Variants in GDAP1L1 observed in about 807,000 individuals in gnomAD.
The protein encoded by GDAP1L1 is ganglioside-induced differentiation-associated protein 1-like 1.
In GDAP1L1, 21 loss-of-function variants were observed where a neutral mutation model predicts 37.1. That is an observed-to-expected ratio of 0.57 (90% CI 0.40 to 0.81). The LOEUF (loss-of-function observed/expected upper bound fraction) is 0.81. GDAP1L1 is among the 40% of genes least tolerant of loss of function. The pLI is 0.00. For missense variants in GDAP1L1, 362 were observed against 491.6 expected (o/e 0.74, Z 2.49); for synonymous variants, 193 against 209.1 (o/e 0.92, Z 0.67).
At chr20:44,273,200 T>G (rs1373822689) in intron 5 of GDAP1L1, among the ~76,000 whole-genome samples, 1 of 152,212 alleles carries the variant, frequency 6.6e-6, no homozygotes, top group East Asian at 1.9e-4. Flanking sequence ...TGTGCCTCGA[T>G]TGCCTCATCT....
chr20:44,257,083 C>T, intron 1 of GDAP1L1, 70 bp from the exon 2 acceptor site: 1 of 1,463,510 alleles, frequency 6.8e-7, no homozygotes, highest in Non-Finnish European at 9.1e-7. Context: ...CCCCGCACAC[C>T]CCCGCCCCAC....
chr20:44,247,255 G>A, upstream of GDAP1L1: 6 of 1,434,788 alleles, frequency 4.2e-6, no homozygotes, highest in South Asian at 5.9e-5. Context: ...GGGCAGGCTC[G>A]GCGAGGCCAT....
intron 5 of GDAP1L1, among the ~76,000 whole-genome samples, chr20:44,269,488 C>T (rs552982195): frequency 2.0e-5 from 3 of 152,064 alleles, no homozygotes; most frequent in Non-Finnish European, 4.4e-5. Context: ...GAGGGGAGGC[C>T]GGTGCAGCAG....
At chr20:44,273,190 T>TG (rs1414268316) in intron 5 of GDAP1L1, among the ~76,000 whole-genome samples, 1 of 152,248 alleles carries the variant, frequency 6.6e-6, no homozygotes, top group Non-Finnish European at 1.5e-5. Flanking sequence ...TTAACCTCTC[T>TG]GTGCCTCGAT....
intron 5 of GDAP1L1, among the ~76,000 whole-genome samples, chr20:44,276,184 T>G (rs907015227): frequency 7.1e-6 from 1 of 140,264 alleles, no homozygotes; most frequent in Non-Finnish European, 1.6e-5. Context: ...AAAAAAAAAA[T>G]AATAGCCAGG....
chr20:44,265,504 G>T, intron 5 of GDAP1L1: 1 of 983,394 alleles, frequency 1.0e-6, no homozygotes, highest in Non-Finnish European at 1.2e-6. Flanking sequence ...TAGAGCCCAG[G>T]GTCTAAACAG....
rs550095801 is a variant in GDAP1L1 at position 44,280,210 on chromosome 20, G to A, written c.*910G>A. Reference sequence around the variant, plus strand: ...TCCCGGGGCTGTCCCTGTACTACACGGTGCCATGGAGCCGGGGAGAGCGGG... The same window carrying A: ...TCCCGGGGCTGTCCCTGTACTACACAGTGCCATGGAGCCGGGGAGAGCGGG... On this transcript the variant is annotated 3_prime_UTR_variant, in exon 6 of 6. Transcript: ENST00000342560. The A allele has an allele frequency of 2.8e-4, 50 of 177,730 alleles. No homozygotes were observed. The highest frequency in any genetic ancestry group is 4.1e-4 in the Non-Finnish European group (34 of 83,430). The allele number at this position is 177,730 out of a possible 1,614,324, so 11.0% of individuals were successfully genotyped here.
chr20:44,253,249 T>C (rs1039194456), intron 1 of GDAP1L1, among the ~76,000 whole-genome samples: 1 of 152,202 alleles, frequency 6.6e-6, no homozygotes, highest in South Asian at 2.1e-4. Context: ...ATCATTGTTT[T>C]GTTCACTGCT....
chr20:44,254,191 C>T (rs1486897115), intron 1 of GDAP1L1, among the ~76,000 whole-genome samples: 2 of 152,370 alleles, frequency 1.3e-5, no homozygotes, highest in East Asian at 3.9e-4. Flanking sequence ...CATGCACACT[C>T]ACACTGACCG....
intron 1 of GDAP1L1, among the ~76,000 whole-genome samples, chr20:44,247,768 C>T (rs1348247049): frequency 7.2e-6 from 1 of 138,102 alleles, no homozygotes. Context: ...CCAGAAACAG[C>T]CGGTCTGTTG....
At chr20:44,277,235 G>A (rs1175965051) in intron 5 of GDAP1L1, among the ~76,000 whole-genome samples, 1 of 152,280 alleles carries the variant, frequency 6.6e-6, no homozygotes, top group East Asian at 1.9e-4. Flanking sequence ...CCAAAGTGCT[G>A]GGATTACAGG....
chr20:44,264,944 G>A, intron 5 of GDAP1L1: 4 of 985,280 alleles, frequency 4.1e-6, no homozygotes, highest in Non-Finnish European at 4.8e-6. Context: ...CATGGTTAGG[G>A]CCAGAACTTG....
chr20:44,250,400 A>G (rs2073418184), intron 1 of GDAP1L1, among the ~76,000 whole-genome samples: 1 of 152,232 alleles, frequency 6.6e-6, no homozygotes, highest in Non-Finnish European at 1.5e-5. Flanking sequence ...GGATTCAGCA[A>G]ATGTATCCAT....
chr20:44,270,203 C>T (rs1269013218), intron 5 of GDAP1L1, among the ~76,000 whole-genome samples: 1 of 132,356 alleles, frequency 7.6e-6, no homozygotes, highest in Non-Finnish European at 1.5e-5. Context: ...CGGAGTCTCG[C>T]TCTGTCGCCC....
At chr20:44,260,726 G>T (rs1415732624) in intron 3 of GDAP1L1, among the ~76,000 whole-genome samples, 2 of 152,134 alleles carry the variant, frequency 1.3e-5, no homozygotes, top group South Asian at 2.1e-4. Flanking sequence ...GTAGGACAGG[G>T]TGTATTGTTT....
In GDAP1L1 at chr20:44,265,072, C is replaced by G. The variant is rs2073740261; in HGVS notation, c.760+513C>G. The G allele has an allele frequency of 4.1e-6, 4 of 985,270 alleles. No homozygotes were observed. In the African/African-American group the frequency reaches 7.0e-5, roughly 17 times the overall value. 61.0% of individuals were successfully genotyped at this position (985,270 alleles called of 1,614,324 possible). On this transcript the variant is annotated intron_variant, in intron 5 of 5. Transcript: ENST00000342560. ...CATACTGAATACTCGGTTGCTCCCC[C>G]ATCACCTCCCTTACACAACTTGATG... is the stretch of plus-strand genomic sequence containing the variant.
Position 44,260,297 on chromosome 20 carries a change from A to C in GDAP1L1, c.547+1690A>C, listed in dbSNP as rs576731440. 4.0e-5 allele frequency among the ~76,000 whole-genome samples: 6 copies of C among 151,752 alleles called. No individual in the cohort carries two copies. The South Asian group carries it at 8.4e-4, about 21-fold the overall frequency. On this transcript the variant is annotated intron_variant, in intron 3 of 5. Transcript: ENST00000342560. ...AAAAAGTGAAGGGCAAAAAAAAAAA[A>C]ACAACATCTAGTGTGCTCTCATTAG...
chr20:44,247,803 T>A (rs1204534842), intron 1 of GDAP1L1, among the ~76,000 whole-genome samples: 1 of 146,176 alleles, frequency 6.8e-6, no homozygotes, highest in African/African-American at 2.5e-5. Flanking sequence ...TTGGGGGGGC[T>A]GAGAAAAGAG....
chr20:44,277,050 G>T (rs1040835718), intron 5 of GDAP1L1, among the ~76,000 whole-genome samples: 3 of 151,764 alleles, frequency 2.0e-5, no homozygotes, highest in Non-Finnish European at 4.4e-5. Context: ...TCGAGATGGG[G>T]TTTCGCTCTT....
Sources: gnomAD v4.1 joint callset for allele counts (sites outside exome capture counted in the v4.1 genomes callset) on GRCh38, gnomAD v4.1.1 for gene constraint, MANE v1.5 for transcripts, NCBI Gene and HGNC (gene_info 2026-07-23, HGNC 2026-07-21) for gene names.